Variants in CPQ observed in about 807,000 individuals in gnomAD.
CPQ encodes carboxypeptidase Q.
Under a neutral mutation model 45.7 loss-of-function variants are expected in CPQ, and 37 were observed. The ratio of observed to expected loss-of-function variants is 0.81; its 90% CI spans 0.62 to 1.07. The LOEUF is 1.07. CPQ is among the 50% of genes least tolerant of loss of function. The pLI is 0.00. For missense variants in CPQ, 537 were observed against 572.9 expected (o/e 0.94, Z 0.64); for synonymous variants, 186 against 205.8 (o/e 0.90, Z 0.82).
intron 6 of CPQ, among the ~76,000 whole-genome samples, chr8:97,043,544 T>G (rs371135366): frequency 6.6e-6 from 1 of 152,196 alleles, no homozygotes; most frequent in Non-Finnish European, 1.5e-5. Context: ...GTTAGCTGGT[T>G]ATTTTGATCG....
chr8:96,675,966 A>G (rs900874472), intron 1 of CPQ, among the ~76,000 whole-genome samples: 4 of 152,106 alleles, frequency 2.6e-5, no homozygotes, highest in East Asian at 1.9e-4. Context: ...GCTTTTTATC[A>G]TACCAAAAAT....
At chr8:96,985,651 G>C (rs1170835769) in intron 5 of CPQ, among the ~76,000 whole-genome samples, 1 of 152,156 alleles carries the variant, frequency 6.6e-6, no homozygotes, top group Non-Finnish European at 1.5e-5. Flanking sequence ...AGCATGAATG[G>C]CATGTTCAGT....
intron 1 of CPQ, among the ~76,000 whole-genome samples, chr8:96,652,606 T>A (rs1815588833): frequency 6.6e-6 from 1 of 152,018 alleles, no homozygotes; most frequent in South Asian, 2.1e-4. Flanking sequence ...TGTATAAGAG[T>A]TTCCTTTACT....
At chr8:96,833,311 C>T (rs1811483994) in intron 2 of CPQ, among the ~76,000 whole-genome samples, 1 of 151,870 alleles carries the variant, frequency 6.6e-6, no homozygotes, top group Non-Finnish European at 1.5e-5. Flanking sequence ...CAAAACAAAA[C>T]AAAACAAAAA....
At chr8:97,082,394 T>A (rs1245919957) in intron 7 of CPQ, among the ~76,000 whole-genome samples, 2 of 152,154 alleles carry the variant, frequency 1.3e-5, no homozygotes, top group Non-Finnish European at 2.9e-5. Flanking sequence ...ATCCCTGTGG[T>A]CAAGAGCTGT....
At position 96,682,559 on chromosome 8, in the gene CPQ, G is replaced by T. The variant is rs1563701351; in HGVS notation, c.-35+37157G>T. Among the ~76,000 whole-genome samples the T allele has an allele frequency of 2.6e-5, 4 of 152,096 alleles. No individual in the cohort carries two copies. In the South Asian group the frequency reaches 8.3e-4, roughly 32 times the overall value. ...AAAATGGGCTAATACACCAACTATT[G>T]TTGTACTGGAGTCTGTCTCTCCCTT... is the stretch of plus-strand genomic sequence containing the variant. On this transcript the variant is annotated intron_variant, in intron 1 of 7. Transcript: ENST00000220763.
At chr8:96,833,577 A>C (rs549187282) in intron 2 of CPQ, among the ~76,000 whole-genome samples, 1 of 152,194 alleles carries the variant, frequency 6.6e-6, no homozygotes, top group Admixed American at 6.5e-5. Flanking sequence ...AGGTAACTCC[A>C]GGTTTCAGAA....
intron 2 of CPQ, among the ~76,000 whole-genome samples, chr8:96,827,532 T>A (rs766455334): frequency 3.3e-5 from 5 of 152,148 alleles, no homozygotes; most frequent in Non-Finnish European, 5.9e-5. Flanking sequence ...TTCCTGGTAA[T>A]TTGGCTTGAA....
intron 1 of CPQ, among the ~76,000 whole-genome samples, chr8:96,734,582 G>A (rs138999028): frequency 0.011 from 1,738 of 152,042 alleles, 40 homozygotes; most frequent in African/African-American, 0.038. Flanking sequence ...GTGGTGGCAG[G>A]CGCATGGAGT....
At chr8:96,951,889 A>G (rs1813271814) in intron 4 of CPQ, among the ~76,000 whole-genome samples, 1 of 152,042 alleles carries the variant, frequency 6.6e-6, no homozygotes, top group Non-Finnish European at 1.5e-5. Context: ...TCTTACAATA[A>G]TTATGCATAA....
intron 1 of CPQ, among the ~76,000 whole-genome samples, chr8:96,729,481 A>C (rs1809882972): frequency 6.6e-6 from 1 of 152,120 alleles, no homozygotes; most frequent in South Asian, 2.1e-4. Context: ...AGCCATACCC[A>C]TTTTTCAAGG....
At chr8:96,970,751 G>C (rs1010467356) in intron 5 of CPQ, among the ~76,000 whole-genome samples, 2 of 152,094 alleles carry the variant, frequency 1.3e-5, no homozygotes, top group African/African-American at 2.4e-5. Flanking sequence ...TTTTAGTAGA[G>C]ACGGGGTTTC....
chr8:96,666,619 G>A (rs746846777), intron 1 of CPQ, among the ~76,000 whole-genome samples: 3 of 152,148 alleles, frequency 2.0e-5, no homozygotes, highest in African/African-American at 4.8e-5. Context: ...AAACTGTATC[G>A]ACTGGTCTAT....
At chr8:96,779,265 T>A (rs1024707791) in intron 1 of CPQ, among the ~76,000 whole-genome samples, 36 of 151,408 alleles carry the variant, frequency 2.4e-4, no homozygotes, top group African/African-American at 8.3e-4. Flanking sequence ...AGATGTTATG[T>A]CTTCTCTAGA....
chr8:96,906,721 C>A (rs1157661173), intron 4 of CPQ, among the ~76,000 whole-genome samples: 1 of 151,898 alleles, frequency 6.6e-6, no homozygotes, highest in Non-Finnish European at 1.5e-5. Context: ...GGCAAGGCAG[C>A]TCTCTGGGGC....
chr8:96,800,483 T>C (rs1449221090), intron 2 of CPQ, among the ~76,000 whole-genome samples: 1 of 152,174 alleles, frequency 6.6e-6, no homozygotes, highest in African/African-American at 2.4e-5. Context: ...TTCTGGTATA[T>C]TTCCCAGAGA....
At chr8:96,726,270 G>A (rs1050530589) in intron 1 of CPQ, among the ~76,000 whole-genome samples, 2 of 148,610 alleles carry the variant, frequency 1.3e-5, no homozygotes, top group South Asian at 2.2e-4. Flanking sequence ...TGAGGGTTCT[G>A]TGCTCATTAT....
chr8:96,645,459 C>T (rs1158396288), intron 1 of CPQ, 57 bp downstream of exon 1: 1 of 152,600 alleles, frequency 6.6e-6, no homozygotes, highest in African/African-American at 2.4e-5. Context: ...GGCCTTGGCT[C>T]CTACCCGCGG....
chr8:97,045,865 A>G (rs1810246960), intron 6 of CPQ, among the ~76,000 whole-genome samples: 1 of 152,202 alleles, frequency 6.6e-6, no homozygotes. Context: ...GCTGTTCATA[A>G]AGCCAATGCC....
Sources: gnomAD v4.1 joint callset for allele counts (sites outside exome capture counted in the v4.1 genomes callset) on GRCh38, gnomAD v4.1.1 for gene constraint, MANE v1.5 for transcripts, NCBI Gene and HGNC (gene_info 2026-07-23, HGNC 2026-07-21) for gene names.